KAZN: variants seen among roughly 807,000 people sequenced by gnomAD.
The protein encoded by KAZN is kazrin.
A neutral mutation model predicts 87.4 loss-of-function variants in KAZN; 40 were observed. The ratio of observed to expected loss-of-function variants is 0.46; its 90% CI spans 0.36 to 0.60. KAZN has a LOEUF of 0.60. Ranked by LOEUF, KAZN falls within the 20% of genes least tolerant of loss-of-function variation. The pLI is 0.00. For synonymous variants in KAZN, 466 were observed against 458.3 expected (o/e 1.02, Z -0.22); for missense variants, 898 against 1,073.9 (o/e 0.84, Z 2.29).
At chr1:14,185,802 C>G (rs1366732079) in intron 2 of KAZN, among the ~76,000 whole-genome samples, 1 of 152,104 alleles carries the variant, frequency 6.6e-6, no homozygotes, top group Non-Finnish European at 1.5e-5. Context: ...TACTCTTGTT[C>G]TGTTAAGCTT....
intron 1 of KAZN, among the ~76,000 whole-genome samples, chr1:14,179,831 G>A (rs532125067): frequency 1.6e-3 from 250 of 152,316 alleles, no homozygotes; most frequent in Non-Finnish European, 2.8e-3. Flanking sequence ...AATAGAGAAA[G>A]AGGCAGCAAC....
chr1:15,114,112 C>T (rs548174785), intron 14 of KAZN: 14 of 197,234 alleles, frequency 7.1e-5, no homozygotes, highest in Middle Eastern at 2.0e-3. Context: ...TGGGCCTGCT[C>T]AGACATTCTC....
chr1:14,155,551 A>G (rs1645574271), intron 1 of KAZN, among the ~76,000 whole-genome samples: 1 of 151,610 alleles, frequency 6.6e-6, no homozygotes, highest in Non-Finnish European at 1.5e-5. Flanking sequence ...GATGTTTATT[A>G]TTTATTTTCT....
chr1:14,204,563 A>G (rs1646700822), intron 2 of KAZN, among the ~76,000 whole-genome samples: 1 of 152,252 alleles, frequency 6.6e-6, no homozygotes, highest in Non-Finnish European at 1.5e-5. Flanking sequence ...TATTTTATTT[A>G]ATCTTCCCTT....
intron 1 of KAZN, among the ~76,000 whole-genome samples, chr1:14,629,347 C>G (rs1226951015): frequency 3.3e-5 from 5 of 152,296 alleles, no homozygotes; most frequent in Non-Finnish European, 7.3e-5. Context: ...TTGCTGTATT[C>G]CAGCAGCAGC....
At chr1:14,983,081 A>AG (rs1040661375) in intron 2 of KAZN, among the ~76,000 whole-genome samples, 1 of 152,222 alleles carries the variant, frequency 6.6e-6, no homozygotes, top group Admixed American at 6.5e-5. Context: ...TGAAGGCAGC[A>AG]GGGGGGCTTT....
chr1:14,337,496 G>A (rs1171296556), intron 2 of KAZN, among the ~76,000 whole-genome samples: 2 of 152,212 alleles, frequency 1.3e-5, no homozygotes, highest in African/African-American at 4.8e-5. Flanking sequence ...TTGAAGCAGA[G>A]TTTTAGATGC....
intron 2 of KAZN, among the ~76,000 whole-genome samples, chr1:14,324,259 G>T (rs1322360396): frequency 1.3e-5 from 2 of 152,152 alleles, no homozygotes; most frequent in African/African-American, 4.8e-5. Flanking sequence ...GCCATATATT[G>T]TAGGCTTGGG....
intron 1 of KAZN, among the ~76,000 whole-genome samples, chr1:14,146,564 A>G (rs1005593817): frequency 6.7e-5 from 10 of 149,680 alleles, no homozygotes; most frequent in African/African-American, 2.5e-4. Flanking sequence ...AAAAGAAAAG[A>G]AAAGAAAGAA....
intron 1 of KAZN, among the ~76,000 whole-genome samples, chr1:14,089,508 CAGTGTCCCCTCAAATAAT>C (rs1643926367): frequency 6.6e-6 from 1 of 152,076 alleles, no homozygotes; most frequent in Non-Finnish European, 1.5e-5. Context: ...TAACTTATCA[CAGTGTCCCCTCAAATAAT>C]AGGATATTGT....
chr1:14,385,061 A>T (rs1393529697), intron 2 of KAZN, among the ~76,000 whole-genome samples: 1 of 151,598 alleles, frequency 6.6e-6, no homozygotes, highest in Non-Finnish European at 1.5e-5. Flanking sequence ...GTATGTGTCG[A>T]GGAATTTATC....
chr1:14,407,513 T>C (rs1051219406), intron 2 of KAZN, among the ~76,000 whole-genome samples: 5 of 152,128 alleles, frequency 3.3e-5, no homozygotes, highest in Admixed American at 2.6e-4. Flanking sequence ...GGCAAAGCAA[T>C]ATAATACCAG....
chr1:14,447,502 G>T, intron 2 of KAZN, among the ~76,000 whole-genome samples: 1 of 152,088 alleles, frequency 6.6e-6, no homozygotes. Flanking sequence ...GCCTCCCAAA[G>T]TGCTGGGATT....
intron 1 of KAZN, among the ~76,000 whole-genome samples, chr1:14,037,872 C>T (rs938446369): frequency 3.3e-5 from 5 of 152,168 alleles, no homozygotes; most frequent in African/African-American, 1.2e-4. Context: ...CTCTAATGGG[C>T]CCATGCTTTA....
chr1:15,009,688 G>A (rs1292093387), intron 2 of KAZN, among the ~76,000 whole-genome samples: 1 of 152,160 alleles, frequency 6.6e-6, no homozygotes, highest in Non-Finnish European at 1.5e-5. Context: ...CTGGGCAGAG[G>A]CATAAAATGT....
chr1:14,278,958 A>G (rs1424853582), intron 2 of KAZN, among the ~76,000 whole-genome samples: 2 of 122,910 alleles, frequency 1.6e-5, no homozygotes, highest in African/African-American at 3.2e-5. Flanking sequence ...TTGGCAGGCA[A>G]GACTATTTCC....
At position 14,014,227 on chromosome 1, in the gene KAZN, C is replaced by A. The variant is rs147128856; in HGVS notation, c.91+120471C>A. ...ACTGTGTCTGTTGTAATTGTTCTGC[C>A]GAATCTGGAATTTCCTGAACAACCC... On this transcript the variant is annotated intron_variant, in intron 1 of 16. Coordinates refer to the KAZN transcript ENST00000636203. 4.9e-4 allele frequency among the ~76,000 whole-genome samples: 74 copies of A among 152,056 alleles called. No individual in the cohort carries two copies. The East Asian group carries it at 0.014, about 28-fold the overall frequency.
At chr1:14,999,501 TC>T (rs1049861453) in intron 2 of KAZN, among the ~76,000 whole-genome samples, 4 of 74,622 alleles carry the variant, frequency 5.4e-5, no homozygotes, top group African/African-American at 2.2e-4. Context: ...CCTGCCCCCC[TC>T]CCCCCGCCCC....
At position 14,261,143 on chromosome 1, in the gene KAZN, T is replaced by C. The variant is rs1455681815; in HGVS notation, c.249+80551T>C. 4.6e-5 allele frequency among the ~76,000 whole-genome samples: 7 copies of C among 152,230 alleles called. 1 individual carries two copies. Among genetic ancestry groups the C allele is most frequent in the Middle Eastern group, 3.4e-3 (1 of 294 alleles). ...TCTAAAGCTGTTTAAAAAAGTAGGG[T>C]GGGGAATTGGACTTCTTGGGTTCAA... On this transcript the variant is annotated intron_variant, in intron 2 of 16. Coordinates refer to the KAZN transcript ENST00000636203.
Sources: gnomAD v4.1 joint callset for allele counts (sites outside exome capture counted in the v4.1 genomes callset) on GRCh38, gnomAD v4.1.1 for gene constraint, MANE v1.5 for transcripts, NCBI Gene and HGNC (gene_info 2026-07-23, HGNC 2026-07-21) for gene names.